TEX15: variants seen among roughly 807,000 people sequenced by gnomAD.
The protein encoded by TEX15 is testis expressed 15, meiosis and synapsis associated, also known as testis-expressed protein 15.
A neutral mutation model predicts 237.3 loss-of-function variants in TEX15; 171 were observed. The ratio of observed to expected loss-of-function variants is 0.72; its 90% CI spans 0.64 to 0.82. The LOEUF is 0.82. Ranked by LOEUF, TEX15 falls within the 40% of genes least tolerant of loss-of-function variation. TEX15 has a pLI of 0.00. For missense variants in TEX15, 3,750 were observed against 3,646.5 expected (o/e 1.03, Z -0.73); for synonymous variants, 1,338 against 1,269.8 (o/e 1.05, Z -1.14).
rs1230705137 is a variant in TEX15 at position 30,867,359 on chromosome 8, G to T, written c.446C>A (p.Pro149His). 1 of 1,529,398 alleles carries T rather than the reference G, an allele frequency of 6.5e-7. No individual in the cohort carries two copies. The highest frequency in any genetic ancestry group is 1.4e-5 in the African/African-American group (1 of 72,770). 94.7% of individuals were successfully genotyped at this position (1,529,398 alleles called of 1,614,324 possible). A position where few individuals can be genotyped will look rare whatever the true frequency, so the allele number is the denominator to read the frequency against. Residue 149 changes from proline (P) to histidine (H), a missense_variant, in exon 5 of 11, where the codon CCT becomes CAT. Pro to His is a moderately conservative substitution (Grantham distance 77). Transcript: ENST00000643185. ...RASTLKILGN[P>H]LLGIYMFRHV... ...TCTAAACATATAAATTCCAAGAAGA[G>T]GATTTCCTAGTATCTTCAATGTAGA...
At chr8:30,839,485 T>C (rs118095683) in intron 9 of TEX15, among the ~76,000 whole-genome samples, 6,910 of 152,280 alleles carry the variant, frequency 0.045, 250 homozygotes, top group Non-Finnish European at 0.065. Context: ...CTTTTTGATT[T>C]TAGAAGTCTT....
Position 30,847,479 on chromosome 8 carries a change from G to A in TEX15, c.2688C>T (p.Phe896=), listed in dbSNP as rs1232836032. ...KKQDSHTNEN[F]SNIDEKEDKN... Reference sequence around the variant, plus strand: ...TGTCCTCCTTTTCATCTATATTGCTGAAATTTTCGTTTGTATGAGAATCCT... The same window carrying A: ...TGTCCTCCTTTTCATCTATATTGCTAAAATTTTCGTTTGTATGAGAATCCT... The change falls in exon 8 of 11, where the codon TTC becomes TTT. Residue 896 remains phenylalanine, a synonymous_variant. Coordinates refer to ENST00000643185, the MANE Select transcript of TEX15 (RefSeq NM_001350162.2). The A allele has an allele frequency of 2.5e-6, 4 of 1,612,620 alleles. No individual in the cohort carries two copies. Among genetic ancestry groups the A allele is most frequent in the Non-Finnish European group, 3.4e-6 (4 of 1,179,732 alleles).
At chr8:30,852,602 A>G (rs1045290661) in intron 7 of TEX15, among the ~76,000 whole-genome samples, 26 of 152,142 alleles carry the variant, frequency 1.7e-4, no homozygotes, top group African/African-American at 6.0e-4. Context: ...AACAAATCCA[A>G]CATCTTGGGT....
chr8:30,839,781 C>T (rs1807399667), intron 9 of TEX15, 125 bp downstream of exon 9: 1 of 547,792 alleles, frequency 1.8e-6, no homozygotes, highest in Non-Finnish European at 3.2e-6. Context: ...TTAGCTTACT[C>T]TCATCCCCTA....
chr8:30,838,795 T>G, intron 9 of TEX15, among the ~76,000 whole-genome samples: 1 of 111,910 alleles, frequency 8.9e-6, no homozygotes, highest in Non-Finnish European at 1.7e-5. Flanking sequence ...TATATATATA[T>G]ATATATATAT....
At chr8:30,890,357 C>T (rs1446042022) in intron 2 of TEX15, among the ~76,000 whole-genome samples, 4 of 151,788 alleles carry the variant, frequency 2.6e-5, no homozygotes, top group African/African-American at 4.8e-5. Flanking sequence ...ATGAATAATC[C>T]TGTTATTATT....
chr8:30,884,276 A>T (rs1808599466), intron 3 of TEX15, among the ~76,000 whole-genome samples: 1 of 152,170 alleles, frequency 6.6e-6, no homozygotes, highest in Non-Finnish European at 1.5e-5. Flanking sequence ...AGTGATGTTG[A>T]GCTTTTCTTG....
chr8:30,842,055 G>T lies in TEX15; in HGVS notation c.8112C>A (p.Asp2704Glu). 1 of 1,611,074 alleles carries T rather than the reference G, an allele frequency of 6.2e-7. No individual in the cohort carries two copies. The highest frequency in any genetic ancestry group is 1.1e-5 in the South Asian group (1 of 89,786). ...KRPSTVDKCEDSQEQQQDTTV... is the reference protein window; with the variant it reads ...KRPSTVDKCEESQEQQQDTTV... ...TAGTATCTTGCTGTTGTTCCTGAGAGTCTTCACATTTGTCTACAGTGCTCG... is the reference window on the plus strand; with the variant it reads ...TAGTATCTTGCTGTTGTTCCTGAGATTCTTCACATTTGTCTACAGTGCTCG... Residue 2704 changes from aspartate (D) to glutamate (E), a missense_variant, in exon 8 of 11, where the codon GAC becomes GAA. Coordinates refer to ENST00000643185, the MANE Select transcript of TEX15 (RefSeq NM_001350162.2).
Position 30,844,545 on chromosome 8 carries a change from A to G in TEX15, c.5622T>C (p.Asn1874=), listed in dbSNP as rs1183586586. Residue 1874 remains asparagine (N), a synonymous_variant, in exon 8 of 11, where the codon AAT becomes AAC. Transcript: ENST00000643185. The stretch of plus-strand genomic sequence containing the variant: ...ATTCTTCTGAGATCTGATTCTTTTG[A>G]TTTTTGTACTCAGTATTAACAGTTG... ...EGSTVNTEYK[N]QKNQISEESC... is the part of the protein sequence containing the mutation. 1 of 1,612,056 alleles carries G rather than the reference A, an allele frequency of 6.2e-7. No individual in the cohort carries two copies. Among genetic ancestry groups the G allele is most frequent in the Non-Finnish European group, 8.5e-7 (1 of 1,179,334 alleles).
intron 9 of TEX15, 58 bp downstream of exon 9, chr8:30,839,848 A>G: frequency 3.7e-6 from 4 of 1,084,674 alleles, no homozygotes; most frequent in Non-Finnish European, 5.4e-6. Flanking sequence ...CTAGTTGTTT[A>G]GTATTTGCCC....
At chr8:30,889,938 T>TATATATATATATAC (rs1808753434) in intron 2 of TEX15, among the ~76,000 whole-genome samples, 38 of 128,104 alleles carry the variant, frequency 3.0e-4, no homozygotes, top group African/African-American at 1.2e-3. Context: ...TATATACATA[T>TATATATATATATAC]ATATATATAT....
At chr8:30,910,591 T>A (rs1809195617) in intron 1 of TEX15, among the ~76,000 whole-genome samples, 1 of 150,560 alleles carries the variant, frequency 6.6e-6, no homozygotes, top group Admixed American at 6.6e-5. Context: ...GACCAAAGGC[T>A]TGCACCACCA....
At chr8:30,912,601 C>G (rs542934514) in intron 1 of TEX15, among the ~76,000 whole-genome samples, 1 of 152,222 alleles carries the variant, frequency 6.6e-6, no homozygotes, top group Non-Finnish European at 1.5e-5. Flanking sequence ...AGCGCGGGAA[C>G]CCGCGCATCT....
At chr8:30,874,522 T>C (rs1808361572) in intron 4 of TEX15, among the ~76,000 whole-genome samples, 1 of 152,172 alleles carries the variant, frequency 6.6e-6, no homozygotes, top group Non-Finnish European at 1.5e-5. Context: ...TGGAAACAGC[T>C]GGCTACAATC....
Position 30,837,636 on chromosome 8 carries a change from G to A in TEX15, c.8648C>T (p.Thr2883Ile), listed in dbSNP as rs1439004414. 1.2e-6 allele frequency: 2 copies of A among 1,613,984 alleles called. No individual in the cohort carries two copies. Among genetic ancestry groups the A allele is most frequent in the Non-Finnish European group, 1.7e-6 (2 of 1,179,994 alleles). ...CGCATCAGGCACAAGAGAAACATCA[G>A]TTTCTGGGTTTATATCAGAAAGGCA... The part of the protein sequence containing the change: ...KSCLSDINPE[T>I]DVSLVPDASV... Residue 2883 changes from threonine to isoleucine, a missense_variant, in exon 10 of 11, where the codon ACT (threonine) becomes ATT (isoleucine). Physicochemically the swap from Thr to Ile is moderately conservative, Grantham distance 89. Coordinates refer to ENST00000643185, the MANE Select transcript of TEX15 (RefSeq NM_001350162.2).
chr8:30,885,792 A>G (rs962467955), intron 3 of TEX15, among the ~76,000 whole-genome samples: 2 of 152,170 alleles, frequency 1.3e-5, no homozygotes, highest in Non-Finnish European at 2.9e-5. Flanking sequence ...GGATACGCCC[A>G]TTTCTGATAA....
chr8:30,878,453 G>A (rs951324286), intron 3 of TEX15, among the ~76,000 whole-genome samples: 5 of 152,056 alleles, frequency 3.3e-5, no homozygotes, highest in Middle Eastern at 3.4e-3. Flanking sequence ...GCGCGATCTC[G>A]GCTCACCACA....
rs146893627 is a variant in TEX15 at position 30,844,649 on chromosome 8, C to T, written c.5518G>A (p.Glu1840Lys). ...TTAACTTTCCACGTTATTCTGTCCT[C>T]AGTGTCTTTCTTCACAATACATGTT... ...SETCIVKKDT[E>K]DRITWKVKQA... The change falls in exon 8 of 11, where the codon GAG becomes AAG. Residue 1840 changes from glutamate (E) to lysine (K), a missense_variant. Glu to Lys is a moderately conservative substitution (Grantham distance 56). Transcript: ENST00000643185. The T allele has an allele frequency of 7.9e-5, 128 of 1,613,398 alleles. No individual in the cohort carries two copies. The African/African-American group carries it at 1.4e-3, about 18-fold the overall frequency.
intron 5 of TEX15, among the ~76,000 whole-genome samples, chr8:30,861,869 A>G (rs1052042785): frequency 1.3e-5 from 2 of 152,178 alleles, no homozygotes; most frequent in Non-Finnish European, 2.9e-5. Context: ...ACTGTCAAGG[A>G]ATATAAATAA....
Sources: allele counts gnomAD v4.1 joint callset (sites outside exome capture counted in the v4.1 genomes callset), GRCh38; gene constraint gnomAD v4.1.1; transcripts MANE v1.5; gene names NCBI Gene and HGNC (gene_info 2026-07-23, HGNC 2026-07-21).